TSC2: variants seen among roughly 807,000 people sequenced by gnomAD.
The protein encoded by TSC2 is TSC complex subunit 2, also known as tuberin.
A neutral mutation model predicts 202.2 loss-of-function variants in TSC2; 29 were observed. The ratio of observed to expected loss-of-function variants is 0.14; its 90% CI spans 0.11 to 0.20. The LOEUF is 0.20. Among genes scored for constraint, TSC2 ranks in the 10% least tolerant of loss-of-function variants. The pLI, the probability that TSC2 is intolerant of heterozygous loss-of-function variation, is 1.00. For missense variants in TSC2, 2,429 were observed against 2,420.0 expected, an observed-to-expected ratio of 1.00 and a Z score of -0.08; for synonymous variants, 1,349 against 1,044.0, an observed-to-expected ratio of 1.29 and a Z score of -5.63.
intron 16 of TSC2, chr16:2,068,665 G>A (rs945278660): frequency 2.0e-5 from 3 of 152,106 alleles, no homozygotes; most frequent in African/African-American, 7.2e-5. Flanking sequence ...ATGAGGCCAG[G>A]AGTTCGAGAC....
chr16:2,074,541 C>G, intron 22 of TSC2, 152 bp downstream of exon 22: 1 of 929,356 alleles, frequency 1.1e-6, no homozygotes, highest in South Asian at 1.4e-5. Context: ...GCCCGGCTGC[C>G]ATGAGTGCTC....
rs10592762 is a variant in TSC2 at position 2,059,047 on chromosome 16, CT to C, written c.975+188del. On this transcript the variant is annotated intron_variant, in intron 10 of 41. Transcript: ENST00000219476. ...TTTGGGGCCCTTTGTAGGCTTTAGT[CT>C]TTTTTTTTTTTTTGAGAAGGAGTTC... Among the ~76,000 whole-genome samples, 188 of 142,602 alleles carry C rather than the reference CT, an allele frequency of 1.3e-3. 1 individual carries two copies. The highest frequency in any genetic ancestry group is 7.2e-3 in the Middle Eastern group (2 of 276). 93.6% of individuals were successfully genotyped at this position (142,602 alleles called of 152,430 possible). A position where few individuals can be genotyped will look rare whatever the true frequency, so the allele number is the denominator to read the frequency against.
chr16:2,076,361 G>A, intron 24 of TSC2, 130 bp from the exon 25 acceptor site: 5 of 1,574,540 alleles, frequency 3.2e-6, no homozygotes, highest in South Asian at 2.3e-5. Context: ...ATTGAGGGGT[G>A]GGAGCTGGGT....
At chr16:2,054,828 G>A in intron 5 of TSC2, 1 of 364,778 alleles carries the variant, frequency 2.7e-6, no homozygotes, top group South Asian at 2.4e-5. Flanking sequence ...GCCATCCTGT[G>A]GTGGGAGGTT....
intron 22 of TSC2, chr16:2,074,701 G>T (rs1325855185): frequency 2.2e-6 from 1 of 459,712 alleles, no homozygotes. Flanking sequence ...CGCTTCAGGG[G>T]GGCTTTGTTC....
intron 3 of TSC2, 146 bp from the exon 4 acceptor site, chr16:2,053,196 C>T (rs2085339579): frequency 5.0e-6 from 4 of 802,382 alleles, no homozygotes; most frequent in East Asian, 2.7e-5. Flanking sequence ...GCAGGAGACA[C>T]AGGAGATACG....
chr16:2,077,349 G>A, intron 25 of TSC2: 1 of 568,406 alleles, frequency 1.8e-6, no homozygotes, highest in East Asian at 3.0e-5. Context: ...TGTTTGTTTT[G>A]GTGTCATGCG....
chr16:2,084,573 C>T lies in TSC2; in HGVS notation c.4351C>T (p.Arg1451Cys), dbSNP rs369553241. 3.2e-5 allele frequency: 51 copies of T among 1,607,362 alleles called. No homozygotes were observed. The highest frequency in any genetic ancestry group is 4.5e-5 in the East Asian group (2 of 44,854). The change falls in exon 34 of 42, where the codon CGC becomes TGC. Residue 1451 changes from arginine (R) to cysteine (C), a missense_variant. Coordinates refer to ENST00000219476, the MANE Select transcript of TSC2 (RefSeq NM_000548.5). ...GGGTCCCTTGCCTTCCAGCTCCCCC[C>T]GCTCGCCCAGTGGCCTCCGGCCCCG... is the stretch of plus-strand genomic sequence containing the variant. The part of the protein sequence containing the change: ...PEGPLPSSSP[R>C]SPSGLRPRGY...
chr16:2,088,402 G>T, intron 41 of TSC2, 44 bp from the exon 42 acceptor site: 1 of 1,612,528 alleles, frequency 6.2e-7, no homozygotes. Context: ...CAGAGCGGTT[G>T]CCACGCCTCC....
chr16:2,070,591 G>C lies in TSC2; in HGVS notation c.1839+13G>C, dbSNP rs556485459. ...CATCCGGCTGCAGGTATGGTGGCTGGGGTTGCGCAGCCAGTTCCTGGGGGC... is the reference window on the plus strand; with the variant it reads ...CATCCGGCTGCAGGTATGGTGGCTGCGGTTGCGCAGCCAGTTCCTGGGGGC... On this transcript the variant is annotated intron_variant, in intron 17 of 41. Coordinates refer to ENST00000219476, the MANE Select transcript of TSC2 (RefSeq NM_000548.5). 3.1e-6 allele frequency: 5 copies of C among 1,612,932 alleles called. No homozygotes were observed. Among genetic ancestry groups the C allele is most frequent in the African/African-American group, 2.7e-5 (2 of 75,070 alleles).
rs889171038 is a variant in TSC2, at chr16:2,048,083, C to G, written c.-30+18C>G. On this transcript the variant is annotated intron_variant, in intron 1 of 41. Coordinates refer to ENST00000219476, the MANE Select transcript of TSC2 (RefSeq NM_000548.5). ...GGCGCGGGGTAAGTGGCGGTCCCCA[C>G]GGGGCAAGTGGCGGTCCCCACGGGG... is the stretch of plus-strand genomic sequence containing the variant. 9.8e-6 allele frequency: 14 copies of G among 1,428,468 alleles called. No homozygotes were observed. Among genetic ancestry groups the G allele is most frequent in the Admixed American group, 2.9e-5 (1 of 34,906 alleles). 88.5% of individuals were successfully genotyped at this position (1,428,468 alleles called of 1,614,324 possible).
intron 20 of TSC2, 128 bp downstream of exon 20, chr16:2,072,491 A>G (rs2088616313): frequency 5.6e-6 from 8 of 1,428,448 alleles, no homozygotes; most frequent in African/African-American, 1.4e-5. Flanking sequence ...ACTCAGCTGC[A>G]CTCTGGAGCG....
chr16:2,053,688 G>C, intron 4 of TSC2: 1 of 655,456 alleles, frequency 1.5e-6, no homozygotes, highest in Admixed American at 2.1e-5. Context: ...CCTCTTATGG[G>C]ATGTTCTGGG....
At chr16:2,060,987 G>C in intron 11 of TSC2, 174 bp downstream of exon 11, 1 of 827,280 alleles carries the variant, frequency 1.2e-6, no homozygotes, top group Non-Finnish European at 1.9e-6. Flanking sequence ...AGACAGGTCT[G>C]ATTTTTCCAG....
At chr16:2,072,492 C>T (rs1044554038) in intron 20 of TSC2, 129 bp downstream of exon 20, 42 of 1,420,660 alleles carry the variant, frequency 3.0e-5, no homozygotes, top group Non-Finnish European at 3.8e-5. Context: ...CTCAGCTGCA[C>T]TCTGGAGCGC....
At chr16:2,080,096 A>G (rs572787848) in intron 29 of TSC2, 69 bp from the exon 30 acceptor site, 35 of 1,597,784 alleles carry the variant, frequency 2.2e-5, no homozygotes, top group East Asian at 1.3e-4. Context: ...CGGGGGGAGC[A>G]TTCAGCTTGA....
chr16:2,089,261 T>G lies in TSC2; in HGVS notation c.*651T>G. 1 of 190,444 alleles carries G rather than the reference T, an allele frequency of 5.3e-6. No individual in the cohort carries two copies. The highest frequency in any genetic ancestry group is 1.1e-5 in the Non-Finnish European group (1 of 92,194). The allele number at this position is 190,444 out of a possible 1,614,324, so 11.8% of individuals were successfully genotyped here. Reference sequence around the variant, plus strand: ...ATAGTGACATACAAAAATATACACATTTTAACACCATATAAATTACTGACA... The same window carrying G: ...ATAGTGACATACAAAAATATACACAGTTTAACACCATATAAATTACTGACA... On this transcript the variant is annotated 3_prime_UTR_variant, in exon 42 of 42. Coordinates refer to ENST00000219476, the MANE Select transcript of TSC2 (RefSeq NM_000548.5).
At chr16:2,087,332 G>A (rs2090945081) in intron 38 of TSC2, 1 of 336,918 alleles carries the variant, frequency 3.0e-6, no homozygotes, top group Non-Finnish European at 5.8e-6. Context: ...GAGCTGGCAT[G>A]GCCCAGGCAG....
intron 21 of TSC2, 87 bp downstream of exon 21, chr16:2,073,070 A>G: frequency 6.3e-7 from 1 of 1,591,450 alleles, no homozygotes; most frequent in Non-Finnish European, 8.5e-7. Flanking sequence ...TTTCTCATAA[A>G]CGAGTTTCTG....
Sources: allele counts gnomAD v4.1 joint callset (sites outside exome capture counted in the v4.1 genomes callset), GRCh38; gene constraint gnomAD v4.1.1; transcripts MANE v1.5; gene names NCBI Gene and HGNC (gene_info 2026-07-23, HGNC 2026-07-21).